RANBP3: variants seen among roughly 807,000 people sequenced by gnomAD.
The protein encoded by RANBP3 is RAN binding protein 3, also known as ran-binding protein 3.
A neutral mutation model predicts 77.3 loss-of-function variants in RANBP3; 14 were observed. The ratio of observed to expected loss-of-function variants is 0.18; its 90% CI spans 0.12 to 0.28. RANBP3 has a LOEUF of 0.28. Among genes scored for constraint, RANBP3 ranks in the 10% least tolerant of loss-of-function variants. The probability of loss-of-function intolerance (pLI) is 1.00; values close to 1 mark genes in which losing one functional copy is unlikely to be tolerated. For synonymous variants in RANBP3, 315 were observed against 312.4 expected, an observed-to-expected ratio of 1.01 and a Z score of -0.09; for missense variants, 586 against 752.3, an observed-to-expected ratio of 0.78 and a Z score of 2.59.
intron 11 of RANBP3, 76 bp from the exon 12 acceptor site, chr19:5,923,990 C>T (rs2057865617): frequency 3.4e-6 from 4 of 1,175,774 alleles, no homozygotes; most frequent in Admixed American, 3.6e-5. Context: ...CACCTCTCTG[C>T]CTGGCCCCCA....
intron 1 of RANBP3, chr19:5,962,744 AT>A (rs1292880878): frequency 4.4e-6 from 2 of 455,978 alleles, no homozygotes; most frequent in East Asian, 1.4e-4. Flanking sequence ...CTCACGCTGC[AT>A]TTCTACTCAG....
chr19:5,918,633 G>T lies in RANBP3; in HGVS notation c.1336C>A (p.Arg446=). ...DGTLQSRLVM[R]TQGSLRLILN... The stretch of plus-strand genomic sequence containing the variant: ...ATCAGTCGCAGGCTCCCCTGGGTCC[G>T]CATCACTACAACCAACAAGGCCACT... Residue 446 remains arginine, a synonymous_variant, in exon 15 of 17, where the codon CGG becomes AGG. Transcript: ENST00000340578. 6.2e-7 allele frequency: 1 copy of T among 1,613,536 alleles called. No homozygotes were observed. The highest frequency in any genetic ancestry group is 8.5e-7 in the Non-Finnish European group (1 of 1,179,792).
At chr19:5,937,062 A>AAAAAAAAAAAAAAAAAAAAAAAAAG (rs2058075365) in intron 5 of RANBP3, among the ~76,000 whole-genome samples, 1 of 103,086 alleles carries the variant, frequency 9.7e-6, no homozygotes, top group Non-Finnish European at 1.9e-5. Context: ...TCTCCAAAAA[A>AAAAAAAAAAAAAAAAAAAAAAAAAG]AAAAAAAAAA....
At position 5,941,716 on chromosome 19, in the gene RANBP3, AATG is replaced by A. The variant is rs1245206250; in HGVS notation, c.320-12_320-10del. ...ATCTTCTCTGTCAGAATCTACAGAAAATGATGAGAAGAGGAGGAGAAAAATCAG... is the reference window on the plus strand; with the variant it reads ...ATCTTCTCTGTCAGAATCTACAGAAAATGAGAAGAGGAGGAGAAAAATCAG... On this transcript the variant is annotated splice_polypyrimidine_tract_variant and intron_variant, in intron 4 of 16. Transcript: ENST00000340578. The A allele has an allele frequency of 2.5e-6, 4 of 1,613,212 alleles. No homozygotes were observed. Among genetic ancestry groups the A allele is most frequent in the African/African-American group, 2.7e-5 (2 of 74,864 alleles).
In RANBP3 at chr19:5,938,049, G is replaced by C. The variant is rs147080594; in HGVS notation, c.406+3572C>G. On this transcript the variant is annotated intron_variant, in intron 5 of 16. Coordinates refer to ENST00000340578, the MANE Select transcript of RANBP3 (RefSeq NM_007322.3). ...AACACCAAGCCCCTCTGCAGGATGA[G>C]ACCAGGTGGTCGGCTCAAAACAGTT... 2.1e-3 allele frequency among the ~76,000 whole-genome samples: 325 copies of C among 152,248 alleles called. 2 individuals are homozygous for C. Among genetic ancestry groups the C allele is most frequent in the African/African-American group, 7.4e-3 (306 of 41,534 alleles).
chr19:5,917,639 C>T lies in RANBP3; in HGVS notation c.1675G>A (p.Gly559Arg). ...GATAAGAGDEGDGQTTGST is the reference protein window; with the variant it reads ...GATAAGAGDERDGQTTGST The stretch of plus-strand genomic sequence containing the variant: ...GTGCTCCCGGTCGTCTGCCCGTCCC[C>T]TTCGTCACCAGCACCTGCAGGGAAG... The change falls in exon 17 of 17, where the codon GGG becomes AGG. Residue 559 changes from glycine (G) to arginine (R), a missense_variant. Transcript: ENST00000340578. 1 of 1,606,784 alleles carries T rather than the reference C, an allele frequency of 6.2e-7. No individual in the cohort carries two copies. Among genetic ancestry groups the T allele is most frequent in the Non-Finnish European group, 8.5e-7 (1 of 1,179,002 alleles).
In RANBP3 at chr19:5,933,401, G is replaced by A. The variant is rs772903150; in HGVS notation, c.472+13C>T. The A allele has an allele frequency of 5.9e-5, 94 of 1,605,528 alleles. No individual in the cohort carries two copies. In the South Asian group the frequency reaches 9.0e-4, roughly 15 times the overall value. On this transcript the variant is annotated intron_variant, in intron 6 of 16. Coordinates refer to ENST00000340578, the MANE Select transcript of RANBP3 (RefSeq NM_007322.3). ...GAGAGCCACCCCCCGCCCCAGGGAGGTAGACGACCTACCTGCGCTGGGGGC... is the reference window on the plus strand; with the variant it reads ...GAGAGCCACCCCCCGCCCCAGGGAGATAGACGACCTACCTGCGCTGGGGGC...
In RANBP3 at chr19:5,916,414, T is replaced by C. The variant is rs1439782072; in HGVS notation, c.*1196A>G. On this transcript the variant is annotated 3_prime_UTR_variant, in exon 17 of 17. Coordinates refer to ENST00000340578, the MANE Select transcript of RANBP3 (RefSeq NM_007322.3). ...ACCCTCCGAGAGTGGGACTGGGAGA[T>C]TTCCTCTGAAGTCCCAAAGAGGCCC... 2 of 151,872 alleles carry C rather than the reference T, an allele frequency of 1.3e-5. No individual in the cohort carries two copies. The highest frequency in any genetic ancestry group is 4.8e-5 in the African/African-American group (2 of 41,308). The allele number at this position is 151,872 out of a possible 1,614,324, so 9.4% of individuals were successfully genotyped here. A position where few individuals can be genotyped will look rare whatever the true frequency, so the allele number is the denominator to read the frequency against.
At chr19:5,928,211 C>G (rs2057939316) in intron 8 of RANBP3, 124 bp from the exon 9 acceptor site, 2 of 1,186,776 alleles carry the variant, frequency 1.7e-6, no homozygotes, top group African/African-American at 3.1e-5. Flanking sequence ...GCCTGCACTC[C>G]CAGCTACTCA....
In RANBP3 at chr19:5,952,610, T is replaced by C. The variant is rs1362053104; in HGVS notation, c.79-1014A>G. 3.3e-5 allele frequency among the ~76,000 whole-genome samples: 5 copies of C among 152,236 alleles called. No homozygotes were observed. Among genetic ancestry groups the C allele is most frequent in the African/African-American group, 1.2e-4 (5 of 41,464 alleles). On this transcript the variant is annotated intron_variant, in intron 2 of 16. Transcript: ENST00000340578. The surrounding 1 kb of genome is among the most constrained non-coding windows in gnomAD (Gnocchi z 4.1). ...TCGGTGACCTACATGACTACAGGGC[T>C]GCCCCGTCTCCCCGTGGACGTGGCT...
At chr19:5,922,706 G>A (rs945681576) in intron 13 of RANBP3, among the ~76,000 whole-genome samples, 9 of 152,226 alleles carry the variant, frequency 5.9e-5, no homozygotes, top group South Asian at 4.1e-4. Flanking sequence ...TTGGGAGGCC[G>A]AGGCGGGTGG....
intron 5 of RANBP3, among the ~76,000 whole-genome samples, chr19:5,941,187 CGT>C (rs1356501963): frequency 6.6e-6 from 1 of 152,142 alleles, no homozygotes; most frequent in Non-Finnish European, 1.5e-5. Flanking sequence ...TGTGTACATG[CGT>C]GTGTGTGTCT....
intron 10 of RANBP3, 133 bp downstream of exon 10, chr19:5,925,497 TGAGA>T: frequency 2.8e-6 from 2 of 716,548 alleles, no homozygotes; most frequent in Non-Finnish European, 4.8e-6. Context: ...GAGTGGGGAA[TGAGA>T]GAGAGGGGCC....
intron 6 of RANBP3, 68 bp from the exon 7 acceptor site, chr19:5,932,612 G>A: frequency 1.6e-6 from 2 of 1,283,980 alleles, no homozygotes; most frequent in South Asian, 1.2e-5. Flanking sequence ...TTCAGAGACT[G>A]ACCCCTGGCA....
chr19:5,920,268 G>T (rs2057800910), intron 14 of RANBP3, among the ~76,000 whole-genome samples: 1 of 152,098 alleles, frequency 6.6e-6, no homozygotes, highest in Non-Finnish European at 1.5e-5. Context: ...AGACGTGGTG[G>T]TGCATCTGTA....
intron 5 of RANBP3, among the ~76,000 whole-genome samples, chr19:5,934,978 T>C (rs190113662): frequency 1.2e-3 from 184 of 151,604 alleles, no homozygotes; most frequent in African/African-American, 4.1e-3. Flanking sequence ...AGGGAGGGGG[T>C]TGGGGGCAGG....
rs377575561 is a variant in RANBP3, at chr19:5,951,444, C to T, written c.231G>A (p.Pro77=). 31 of 1,595,668 alleles carry T rather than the reference C, an allele frequency of 1.9e-5. No individual in the cohort carries two copies. Among genetic ancestry groups the T allele is most frequent in the Admixed American group, 5.2e-5 (3 of 57,482 alleles). ...APAGASASTP[P]PPAPEAQLPP... The stretch of plus-strand genomic sequence containing the variant: ...GAAGCTGGGCTTCAGGAGCGGGAGG[C>T]GGAGGAGTGCTGGCTGAGGCGCCAG... Residue 77 remains proline (P), a synonymous_variant, in exon 3 of 17, where the codon CCG becomes CCA. Coordinates refer to ENST00000340578, the MANE Select transcript of RANBP3 (RefSeq NM_007322.3).
In RANBP3 at chr19:5,931,278, T is replaced by G; in HGVS notation, c.693+126A>C. On this transcript the variant is annotated intron_variant, in intron 8 of 16. Coordinates refer to ENST00000340578, the MANE Select transcript of RANBP3 (RefSeq NM_007322.3). ...TGAGCAAATCCAGAGAGCCTTACAATAGGCCCACGTGGAAACTGCTTGGAA... is the reference window on the plus strand; with the variant it reads ...TGAGCAAATCCAGAGAGCCTTACAAGAGGCCCACGTGGAAACTGCTTGGAA... 8.0e-6 allele frequency: 9 copies of G among 1,122,952 alleles called. 1 individual carries two copies. The South Asian group carries it at 1.8e-4, about 23-fold the overall frequency. The allele number at this position is 1,122,952 out of a possible 1,614,324, so 69.6% of individuals were successfully genotyped here. A position where few individuals can be genotyped will look rare whatever the true frequency, so the allele number is the denominator to read the frequency against.
At chr19:5,954,505 C>T (rs957784651) in intron 2 of RANBP3, among the ~76,000 whole-genome samples, 21 of 152,040 alleles carry the variant, frequency 1.4e-4, no homozygotes, top group African/African-American at 2.2e-4. Flanking sequence ...GCTTAACTTC[C>T]GGTATGAGAG....
Sources: allele counts gnomAD v4.1 joint callset (sites outside exome capture counted in the v4.1 genomes callset), GRCh38; gene constraint gnomAD v4.1.1; non-coding constraint Gnocchi (gnomAD v3.1); transcripts MANE v1.5; gene names NCBI Gene and HGNC (gene_info 2026-07-23, HGNC 2026-07-21).